Variants in FNBP4 observed in about 807,000 individuals in gnomAD.
FNBP4 encodes formin-binding protein 4.
In FNBP4, 34 loss-of-function variants were observed where a neutral mutation model predicts 119.3. The ratio of observed to expected loss-of-function variants is 0.28; its 90% CI spans 0.22 to 0.38. The LOEUF is 0.38. Ranked by LOEUF, FNBP4 falls within the 10% of genes least tolerant of loss-of-function variation. The pLI is 1.00. For missense variants in FNBP4, 1,112 were observed against 1,228.9 expected (o/e 0.90, Z 1.42); for synonymous variants, 462 against 430.6 (o/e 1.07, Z -0.90).
At chr11:47,750,205 C>G (rs528083347) in intron 6 of FNBP4, among the ~76,000 whole-genome samples, 1 of 151,448 alleles carries the variant, frequency 6.6e-6, no homozygotes, top group Non-Finnish European at 1.5e-5. Context: ...ATGGTGAAAC[C>G]CTGCCTCTAA....
intron 8 of FNBP4, 192 bp downstream of exon 8, chr11:47,743,761 C>A (rs2097585530): frequency 3.4e-6 from 2 of 596,010 alleles, no homozygotes; most frequent in Admixed American, 3.0e-5. Flanking sequence ...GTCAGCCTCT[C>A]AGGCTCTTAC....
At chr11:47,764,745 A>T (rs1393443719) in intron 2 of FNBP4, among the ~76,000 whole-genome samples, 2 of 152,242 alleles carry the variant, frequency 1.3e-5, no homozygotes, top group Non-Finnish European at 2.9e-5. Flanking sequence ...TCTCAGAGAT[A>T]AAAGATCCAT....
At chr11:47,733,623 C>T (rs185079874) in intron 10 of FNBP4, among the ~76,000 whole-genome samples, 2 of 152,166 alleles carry the variant, frequency 1.3e-5, no homozygotes, top group East Asian at 1.9e-4. Context: ...TGTGAGCCAC[C>T]GTGCCTGGCC....
chr11:47,734,016 A>G lies in FNBP4; in HGVS notation c.1686+9T>C. On this transcript the variant is annotated intron_variant, in intron 10 of 16. Transcript: ENST00000263773. ...TGTTTATGCCAAAAAAAAAAAAAAA[A>G]AGACTTACCTCAGTCTGTAAGAGCA... 2.1e-6 allele frequency: 3 copies of G among 1,433,276 alleles called. No homozygotes were observed. The highest frequency in any genetic ancestry group is 2.8e-6 in the Non-Finnish European group (3 of 1,066,472). The allele number at this position is 1,433,276 out of a possible 1,614,324, so 88.8% of individuals were successfully genotyped here.
intron 4 of FNBP4, chr11:47,752,686 C>T (rs12577383): frequency 0.27 from 110,067 of 412,624 alleles, 16,973 homozygotes; most frequent in South Asian, 0.45. Context: ...TGGCAGTGTG[C>T]GCCTGTAGTC....
chr11:47,734,852 A>T (rs147645791), intron 9 of FNBP4, among the ~76,000 whole-genome samples: 1 of 151,994 alleles, frequency 6.6e-6, no homozygotes, highest in Admixed American at 6.6e-5. Flanking sequence ...GCACACCTGT[A>T]GTCCCAGCTA....
chr11:47,759,816 G>A (rs1398612356), intron 2 of FNBP4, among the ~76,000 whole-genome samples: 1 of 152,090 alleles, frequency 6.6e-6, no homozygotes, highest in Non-Finnish European at 1.5e-5. Context: ...AGCTGGGCGT[G>A]GTGGCAGGCA....
chr11:47,760,746 G>A (rs770532197), intron 2 of FNBP4, among the ~76,000 whole-genome samples: 2 of 151,866 alleles, frequency 1.3e-5, no homozygotes, highest in African/African-American at 4.8e-5. Context: ...TTCTATTTTC[G>A]TAGAGACAGG....
At chr11:47,734,000 C>CAAAAAA in intron 10 of FNBP4, 25 bp downstream of exon 10, 1 of 891,202 alleles carries the variant, frequency 1.1e-6, no homozygotes, top group Non-Finnish European at 1.6e-6. Context: ...CTGTTTATGC[C>CAAAAAA]AAAAAAAAAA....
intron 15 of FNBP4, among the ~76,000 whole-genome samples, chr11:47,721,193 C>T (rs978507601): frequency 3.3e-5 from 5 of 151,280 alleles, no homozygotes; most frequent in African/African-American, 9.7e-5. Flanking sequence ...TGGTGGTGGG[C>T]GCCTGTAGTC....
intron 12 of FNBP4, chr11:47,725,842 A>T: frequency 3.2e-6 from 3 of 934,098 alleles, no homozygotes; most frequent in Non-Finnish European, 3.8e-6. Context: ...TCTCCCTAAA[A>T]TCATAGAATT....
At chr11:47,758,129 C>T (rs953526659) in intron 2 of FNBP4, among the ~76,000 whole-genome samples, 7 of 152,174 alleles carry the variant, frequency 4.6e-5, no homozygotes, top group Non-Finnish European at 7.3e-5. Flanking sequence ...CACTCTGGCA[C>T]AAGTGAACTG....
At chr11:47,753,763 T>C (rs2097609526) in intron 3 of FNBP4, among the ~76,000 whole-genome samples, 1 of 152,012 alleles carries the variant, frequency 6.6e-6, no homozygotes, top group African/African-American at 2.4e-5. Context: ...GCCACCACAT[T>C]TCAGCCTGGG....
chr11:47,754,101 T>G (rs6485776), intron 3 of FNBP4, among the ~76,000 whole-genome samples: 151,216 of 151,972 alleles, frequency 1, 75,238 homozygotes, highest in Middle Eastern at 1. Context: ...GCTACTCGGG[T>G]GCACATACCT....
chr11:47,763,195 G>A (rs1447567986), intron 2 of FNBP4, among the ~76,000 whole-genome samples: 1 of 152,040 alleles, frequency 6.6e-6, no homozygotes, highest in Non-Finnish European at 1.5e-5. Flanking sequence ...TGGGCGTGGT[G>A]GCTCAGACCT....
chr11:47,762,164 AC>A (rs2097636608), intron 2 of FNBP4, among the ~76,000 whole-genome samples: 1 of 125,094 alleles, frequency 8.0e-6, no homozygotes, highest in Non-Finnish European at 1.7e-5. Context: ...ATGGAGTCTT[AC>A]TCTGTCACCC....
intron 2 of FNBP4, 67 bp downstream of exon 2, chr11:47,765,203 A>G: frequency 9.7e-7 from 1 of 1,035,676 alleles, no homozygotes; most frequent in Non-Finnish European, 1.5e-6. Context: ...CATTCTATGT[A>G]CAAACCCAAC....
At chr11:47,742,705 T>C (rs1470851480) in intron 8 of FNBP4, among the ~76,000 whole-genome samples, 5 of 151,242 alleles carry the variant, frequency 3.3e-5, no homozygotes, top group Admixed American at 1.3e-4. Flanking sequence ...CTTGCCAACA[T>C]GGTGAAACCC....
chr11:47,759,328 C>T (rs989506369), intron 2 of FNBP4, among the ~76,000 whole-genome samples: 2 of 151,740 alleles, frequency 1.3e-5, no homozygotes, highest in South Asian at 2.1e-4. Flanking sequence ...TCTCCAGCCT[C>T]GGTCTCCCAA....
Sources: gnomAD v4.1 joint callset for allele counts (sites outside exome capture counted in the v4.1 genomes callset) on GRCh38, gnomAD v4.1.1 for gene constraint, MANE v1.5 for transcripts, NCBI Gene and HGNC (gene_info 2026-07-23, HGNC 2026-07-21) for gene names.